The following MGAM2 variants were observed in gnomAD, a reference collection of about 807,000 sequenced individuals.
MGAM2 encodes the protein maltase-glucoamylase 2 (putative), also known as probable maltase-glucoamylase 2.
In MGAM2, 98 loss-of-function variants were observed where a neutral mutation model predicts 96.1. The observed-to-expected ratio is 1.02, with a 90% CI of 0.87 to 1.21. MGAM2 has a LOEUF of 1.21. Ranked by LOEUF, MGAM2 falls within the 50% of genes most tolerant of loss-of-function variation. The pLI is 0.00. For synonymous variants in MGAM2, 749 were observed against 414.8 expected, an observed-to-expected ratio of 1.81 and a Z score of -9.79; for missense variants, 2,055 against 1,182.4, an observed-to-expected ratio of 1.74 and a Z score of -10.82.
intron 45 of MGAM2, among the ~76,000 whole-genome samples, chr7:142,201,924 T>A (rs1200133123): frequency 6.6e-6 from 1 of 152,214 alleles, no homozygotes; most frequent in African/African-American, 2.4e-5. Flanking sequence ...ATAAGTATAT[T>A]GGTCAATAGT....
chr7:142,207,448 C>T (rs572615123), intron 45 of MGAM2, among the ~76,000 whole-genome samples: 70 of 151,694 alleles, frequency 4.6e-4, no homozygotes, highest in Non-Finnish European at 7.4e-4. Context: ...TTTTTTGAGA[C>T]GGAGTCTCAC....
At chr7:142,198,875 G>C in intron 44 of MGAM2, 136 bp downstream of exon 44, 1 of 576,874 alleles carries the variant, frequency 1.7e-6, no homozygotes, top group South Asian at 2.2e-5. Context: ...GTCAGATCCT[G>C]TGAGTGCTTT....
intron 37 of MGAM2, among the ~76,000 whole-genome samples, chr7:142,194,696 A>G (rs10229575): frequency 0.43 from 60,283 of 138,600 alleles, 12,530 homozygotes; most frequent in Admixed American, 0.51. Flanking sequence ...ACATGTGTGT[A>G]TGTGTGTGTG....
chr7:142,128,548 G>T (rs1404060552), intron 3 of MGAM2, among the ~76,000 whole-genome samples: 1 of 152,182 alleles, frequency 6.6e-6, no homozygotes, highest in Non-Finnish European at 1.5e-5. Flanking sequence ...CAGGCCCAGG[G>T]TCTCCCCTGC....
At chr7:142,139,757 C>T (rs1375584177) in intron 10 of MGAM2, among the ~76,000 whole-genome samples, 1 of 151,720 alleles carries the variant, frequency 6.6e-6, no homozygotes, top group Non-Finnish European at 1.5e-5. Flanking sequence ...TCTTCAATGC[C>T]CTCTCAGAGT....
At chr7:142,191,655 G>A (rs1245856016) in intron 37 of MGAM2, among the ~76,000 whole-genome samples, 8 of 151,794 alleles carry the variant, frequency 5.3e-5, no homozygotes, top group African/African-American at 1.9e-4. Flanking sequence ...TTGATGAAGT[G>A]TGACTCTTCC....
intron 10 of MGAM2, 71 bp downstream of exon 10, chr7:142,138,738 G>A (rs1563254892): frequency 1.5e-6 from 1 of 647,264 alleles, no homozygotes; most frequent in Non-Finnish European, 2.8e-6. Flanking sequence ...TAAATTCAAT[G>A]TATTAGGAAA....
intron 33 of MGAM2, among the ~76,000 whole-genome samples, chr7:142,183,949 C>CTTTTTT (rs1563281526): frequency 1.2e-5 from 1 of 83,196 alleles, no homozygotes; most frequent in African/African-American, 3.7e-5. Context: ...ATTCCAGGCT[C>CTTTTTT]CTTTTTTTTT....
rs1313037243 is a variant in MGAM2 at position 142,131,965 on chromosome 7, C to T, written c.455C>T (p.Ser152Phe). The T allele has an allele frequency of 1.4e-6, 1 of 702,760 alleles. No individual in the cohort carries two copies. Among genetic ancestry groups the T allele is most frequent in the Non-Finnish European group, 2.6e-6 (1 of 384,936 alleles). 43.5% of individuals were successfully genotyped at this position (702,760 alleles called of 1,614,324 possible). A position where few individuals can be genotyped will look rare whatever the true frequency, so the allele number is the denominator to read the frequency against. The change falls in exon 6 of 48, where the codon TCC becomes TTC. Residue 152 changes from serine to phenylalanine, a missense_variant. Coordinates refer to ENST00000477922, the MANE Select transcript of MGAM2 (RefSeq NM_001293626.2). ...TDFNNIRYEV[S>F]HENINLVDGI... Reference sequence around the variant, plus strand: ...TTTAATAACATACGCTATGAAGTTTCCCATGAAAATATTAACCTGGTTGAT... The same window carrying T: ...TTTAATAACATACGCTATGAAGTTTTCCATGAAAATATTAACCTGGTTGAT...
intron 32 of MGAM2, among the ~76,000 whole-genome samples, chr7:142,177,762 A>G (rs1585191333): frequency 6.6e-6 from 1 of 152,112 alleles, no homozygotes; most frequent in African/African-American, 2.4e-5. Context: ...TCTTTATCCA[A>G]TCCACCATAG....
intron 37 of MGAM2, among the ~76,000 whole-genome samples, chr7:142,194,524 C>A (rs1470767577): frequency 7.0e-6 from 1 of 142,716 alleles, no homozygotes; most frequent in Non-Finnish European, 1.6e-5. Flanking sequence ...GCTATCCTCA[C>A]CCCCATTTCT....
intron 37 of MGAM2, among the ~76,000 whole-genome samples, chr7:142,191,117 G>T (rs910827578): frequency 7.1e-6 from 1 of 139,950 alleles, no homozygotes; most frequent in African/African-American, 2.8e-5. Flanking sequence ...GGGCAACAAA[G>T]TAAGACTATC....
intron 17 of MGAM2, among the ~76,000 whole-genome samples, chr7:142,156,142 T>G (rs1795729190): frequency 6.7e-6 from 1 of 149,490 alleles, no homozygotes; most frequent in Admixed American, 6.6e-5. Context: ...CAAAATTCCG[T>G]CTCAAAACAA....
At chr7:142,175,550 G>T in intron 31 of MGAM2, 102 bp from the exon 32 acceptor site, 1 of 628,904 alleles carries the variant, frequency 1.6e-6, no homozygotes, top group Non-Finnish European at 2.8e-6. Flanking sequence ...GGCCTGGAAT[G>T]GGGCAGGCAG....
intron 20 of MGAM2, 66 bp from the exon 21 acceptor site, chr7:142,160,068 C>T (rs1361367303): frequency 2.3e-5 from 15 of 647,280 alleles, no homozygotes; most frequent in Admixed American, 4.9e-5. Context: ...TGAGATGATA[C>T]CTAAGGCCCC....
At chr7:142,156,398 T>C (rs1260224346) in intron 17 of MGAM2, among the ~76,000 whole-genome samples, 1 of 152,232 alleles carries the variant, frequency 6.6e-6, no homozygotes, top group East Asian at 1.9e-4. Flanking sequence ...AGATTTTTTG[T>C]ATGCAGTTGA....
intron 23 of MGAM2, among the ~76,000 whole-genome samples, chr7:142,164,290 T>A (rs1795968100): frequency 6.6e-6 from 1 of 152,212 alleles, no homozygotes; most frequent in African/African-American, 2.4e-5. Flanking sequence ...CCTAAATAAG[T>A]TATTTAATTT....
At chr7:142,162,542 A>C (rs1429425239) in intron 23 of MGAM2, among the ~76,000 whole-genome samples, 3 of 152,046 alleles carry the variant, frequency 2.0e-5, no homozygotes, top group Non-Finnish European at 4.4e-5. Context: ...TTTTCTTAGA[A>C]GCCTGATCAT....
At chr7:142,185,011 A>G (rs1796651791) in intron 33 of MGAM2, 66 bp from the exon 34 acceptor site, 3 of 688,346 alleles carry the variant, frequency 4.4e-6, no homozygotes, top group Admixed American at 4.1e-5. Flanking sequence ...AGTCTAACAC[A>G]TGAAATATCT....
Sources: allele counts gnomAD v4.1 joint callset (sites outside exome capture counted in the v4.1 genomes callset), GRCh38; gene constraint gnomAD v4.1.1; transcripts MANE v1.5; gene names NCBI Gene and HGNC (gene_info 2026-07-23, HGNC 2026-07-21).